SLIT1: variants seen among roughly 807,000 people sequenced by gnomAD.
SLIT1 encodes the protein slit homolog 1 protein.
Under a neutral mutation model 186.1 loss-of-function variants are expected in SLIT1, and 66 were observed. That is an observed-to-expected ratio of 0.35 (90% CI 0.29 to 0.44). The LOEUF (loss-of-function observed/expected upper bound fraction) is 0.44. Among genes scored for constraint, SLIT1 ranks in the 20% least tolerant of loss-of-function variants. The pLI is 1.00. For missense variants in SLIT1, 1,638 were observed against 2,037.4 expected (o/e 0.80, Z 3.77); for synonymous variants, 761 against 833.8 (o/e 0.91, Z 1.50).
intron 13 of SLIT1, among the ~76,000 whole-genome samples, chr10:97,052,009 A>C (rs191738192): frequency 2.6e-4 from 40 of 152,228 alleles, no homozygotes; most frequent in African/African-American, 9.1e-4. Context: ...GTACTGATAC[A>C]TGCTACAATA....
chr10:97,033,760 A>G (rs1489951706), intron 23 of SLIT1, among the ~76,000 whole-genome samples: 1 of 152,216 alleles, frequency 6.6e-6, no homozygotes, highest in Non-Finnish European at 1.5e-5. Context: ...TAAAGAAAAT[A>G]AAAGAAGTGA....
chr10:97,123,335 T>TGTAA (rs1280309162), intron 4 of SLIT1, among the ~76,000 whole-genome samples: 11 of 152,232 alleles, frequency 7.2e-5, no homozygotes, highest in African/African-American at 2.7e-4. Flanking sequence ...TCCTGTGGAA[T>TGTAA]GTAAAATTGT....
At chr10:97,084,944 A>C (rs1337609806) in intron 4 of SLIT1, among the ~76,000 whole-genome samples, 1 of 66,832 alleles carries the variant, frequency 1.5e-5, no homozygotes, top group South Asian at 6.1e-4. Context: ...TTTTTTTTGA[A>C]ACAGAGTCTC....
At chr10:97,170,799 T>C (rs1850178034) in intron 1 of SLIT1, among the ~76,000 whole-genome samples, 1 of 152,182 alleles carries the variant, frequency 6.6e-6, no homozygotes, top group African/African-American at 2.4e-5. Context: ...ATGTCTTGAA[T>C]CCTCTCAGGA....
rs909410900 is a variant in SLIT1, at chr10:97,022,303, C to T, written c.2583-890G>A. On this transcript the variant is annotated intron_variant, in intron 25 of 36. Coordinates refer to ENST00000266058, the MANE Select transcript of SLIT1 (RefSeq NM_003061.3). The surrounding 1 kb of genome is among the most constrained non-coding windows in gnomAD (Gnocchi z 4.2). Reference sequence around the variant, plus strand: ...GCCCATGCTCTTTTATTTTTCTTTGCATTTTTAATTAAACAGAACACATGA... The same window carrying T: ...GCCCATGCTCTTTTATTTTTCTTTGTATTTTTAATTAAACAGAACACATGA... Among the ~76,000 whole-genome samples, 2 of 152,216 alleles carry T rather than the reference C, an allele frequency of 1.3e-5. No homozygotes were observed. Among genetic ancestry groups the T allele is most frequent in the Non-Finnish European group, 2.9e-5 (2 of 68,024 alleles).
chr10:97,031,541 C>G (rs924933712), intron 24 of SLIT1, 65 bp downstream of exon 24: 19 of 1,307,000 alleles, frequency 1.5e-5, no homozygotes, highest in Non-Finnish European at 1.9e-5. Context: ...TTCTGCCCAC[C>G]AGGTGGGTGG....
intron 4 of SLIT1, among the ~76,000 whole-genome samples, chr10:97,126,550 C>T (rs1849605522): frequency 6.6e-6 from 1 of 152,216 alleles, no homozygotes; most frequent in African/African-American, 2.4e-5. Context: ...GAACCAACTT[C>T]AAGACCAGAG....
At chr10:97,054,653 CT>C (rs1267797911) in intron 13 of SLIT1, among the ~76,000 whole-genome samples, 3 of 152,148 alleles carry the variant, frequency 2.0e-5, no homozygotes, top group African/African-American at 7.2e-5. Context: ...AAAACTGAAC[CT>C]GACCGAGCTC....
chr10:97,178,297 A>G (rs990027030), intron 1 of SLIT1, among the ~76,000 whole-genome samples: 6 of 152,220 alleles, frequency 3.9e-5, no homozygotes, highest in Admixed American at 3.9e-4. Flanking sequence ...GCCTTCTGAC[A>G]TGTTGCACCA....
At chr10:97,064,974 G>A in intron 5 of SLIT1, 98 bp from the exon 6 acceptor site, 1 of 837,504 alleles carries the variant, frequency 1.2e-6, no homozygotes. Context: ...CAAAAGAGGT[G>A]CACCCCTAGC....
intron 31 of SLIT1, among the ~76,000 whole-genome samples, chr10:97,009,297 C>T (rs954349443): frequency 1.4e-4 from 21 of 152,172 alleles, no homozygotes; most frequent in Non-Finnish European, 2.8e-4. Context: ...GATAGTCATA[C>T]AGATTAATGG....
At position 97,001,092 on chromosome 10, in the gene SLIT1, C is replaced by T. The variant is rs773508999; in HGVS notation, c.*20G>A. ...GCTGGGGCCCCTTGCCCGCCCTCAC[C>T]GGCCTGTCCACGCCCAGCGCTATGC... On this transcript the variant is annotated 3_prime_UTR_variant, in exon 37 of 37. Transcript: ENST00000266058. 4.5e-5 allele frequency: 72 copies of T among 1,603,576 alleles called. No individual in the cohort carries two copies. Among genetic ancestry groups the T allele is most frequent in the South Asian group, 2.2e-4 (20 of 90,758 alleles).
At chr10:97,034,722 G>A (rs1369083288) in intron 22 of SLIT1, among the ~76,000 whole-genome samples, 180 bp from the exon 23 acceptor site, 4 of 152,136 alleles carry the variant, frequency 2.6e-5, no homozygotes, top group South Asian at 2.1e-4. Context: ...ACAGTGCTGC[G>A]CTGCTCCCTC....
intron 4 of SLIT1, among the ~76,000 whole-genome samples, chr10:97,123,648 G>A (rs753162124): frequency 1.3e-5 from 2 of 152,050 alleles, no homozygotes; most frequent in African/African-American, 2.4e-5. Flanking sequence ...AAATTAGCTG[G>A]GCATGGTGGC....
chr10:97,076,392 C>T lies in SLIT1; in HGVS notation c.414-10306G>A, dbSNP rs971987470. Among the ~76,000 whole-genome samples the T allele has an allele frequency of 4.6e-5, 7 of 152,316 alleles. No homozygotes were observed. In the South Asian group the frequency reaches 1.0e-3, roughly 23 times the overall value. On this transcript the variant is annotated intron_variant, in intron 4 of 36. Coordinates refer to ENST00000266058, the MANE Select transcript of SLIT1 (RefSeq NM_003061.3). ...TACCCATGGGTGGGACGCTGGGATG[C>T]ACATGCTGCTCAGAGATGCTCCTGG...
At chr10:97,106,946 G>A (rs528409482) in intron 4 of SLIT1, among the ~76,000 whole-genome samples, 21 of 152,360 alleles carry the variant, frequency 1.4e-4, no homozygotes, top group Admixed American at 8.5e-4. Flanking sequence ...GGGAACCAGC[G>A]GAGGAGCAGC....
At chr10:97,111,228 C>T (rs1450449490) in intron 4 of SLIT1, among the ~76,000 whole-genome samples, 2 of 151,716 alleles carry the variant, frequency 1.3e-5, no homozygotes, top group Non-Finnish European at 2.9e-5. Flanking sequence ...GAGGGCTGAC[C>T]CTAATATAGG....
chr10:97,112,712 G>C (rs1849476024), intron 4 of SLIT1, among the ~76,000 whole-genome samples: 1 of 152,058 alleles, frequency 6.6e-6, no homozygotes, highest in Admixed American at 6.6e-5. Flanking sequence ...GTTTTGTTTT[G>C]TTTTTTTGAG....
Position 97,030,812 on chromosome 10 carries a change from C to CAT in SLIT1, c.2525_2526dup (p.Asp843MetfsTer14). On this transcript the variant is annotated frameshift_variant, in exon 25 of 37. Transcript: ENST00000266058. LOFTEE classifies it high-confidence loss of function. ...ATGCCCTCTTGGAGGGTGGAGATGT[C>CAT]ATTGCCGTGGAGAGACCTGAGAAGG... 1 of 1,614,012 alleles carries CAT rather than the reference C, an allele frequency of 6.2e-7. No homozygotes were observed. The highest frequency in any genetic ancestry group is 8.5e-7 in the Non-Finnish European group (1 of 1,179,980).
Sources: gnomAD v4.1 joint callset for allele counts (sites outside exome capture counted in the v4.1 genomes callset) on GRCh38, gnomAD v4.1.1 for gene constraint, Gnocchi (gnomAD v3.1) non-coding constraint, MANE v1.5 for transcripts, NCBI Gene and HGNC (gene_info 2026-07-23, HGNC 2026-07-21) for gene names.